Variants in SVEP1 observed in about 807,000 individuals in gnomAD.
SVEP1 encodes the protein sushi, von Willebrand factor type A, EGF and pentraxin domain-containing protein 1.
A neutral mutation model predicts 367.3 loss-of-function variants in SVEP1; 164 were observed. The ratio of observed to expected loss-of-function variants is 0.45; its 90% CI spans 0.39 to 0.51. The LOEUF (loss-of-function observed/expected upper bound fraction) is 0.51, where lower values mean the gene tolerates loss of function less well. Among genes scored for constraint, SVEP1 ranks in the 20% least tolerant of loss-of-function variants. The probability of loss-of-function intolerance (pLI) is 0.00; values close to 1 mark genes in which losing one functional copy is unlikely to be tolerated. For synonymous variants in SVEP1, 1,666 were observed against 1,611.6 expected, an observed-to-expected ratio of 1.03 and a Z score of -0.81; for missense variants, 4,117 against 4,425.3, an observed-to-expected ratio of 0.93 and a Z score of 1.98.
intron 39 of SVEP1, among the ~76,000 whole-genome samples, chr9:110,403,853 C>CTTTTT (rs11439177): frequency 6.9e-6 from 1 of 144,192 alleles, no homozygotes; most frequent in East Asian, 2.0e-4. Flanking sequence ...TAATAATACA[C>CTTTTT]TTTTTTTTTT....
intron 45 of SVEP1, among the ~76,000 whole-genome samples, chr9:110,376,140 C>A (rs925902008): frequency 5.3e-5 from 8 of 152,210 alleles, no homozygotes; most frequent in Non-Finnish European, 1.0e-4. Context: ...CTTTGCATCA[C>A]CTAGGAGTTG....
intron 47 of SVEP1, 81 bp downstream of exon 47, chr9:110,369,842 T>G (rs939618420): frequency 3.5e-6 from 4 of 1,138,738 alleles, no homozygotes; most frequent in Non-Finnish European, 5.0e-6. Flanking sequence ...TAGACAGAGA[T>G]AACTTCTGGC....
intron 22 of SVEP1, among the ~76,000 whole-genome samples, chr9:110,452,260 C>G (rs1828705320): frequency 6.6e-6 from 1 of 152,036 alleles, no homozygotes; most frequent in Admixed American, 6.6e-5. Context: ...AATTTAATGT[C>G]TAATAAATAA....
intron 43 of SVEP1, among the ~76,000 whole-genome samples, chr9:110,382,045 T>A (rs1024072971): frequency 2.0e-5 from 3 of 152,308 alleles, no homozygotes; most frequent in South Asian, 2.1e-4. Flanking sequence ...TGGCATTTTG[T>A]GTCTTTTAAG....
chr9:110,430,191 T>TACA (rs1828329779), intron 33 of SVEP1, 83 bp downstream of exon 33: 1 of 1,415,212 alleles, frequency 7.1e-7, no homozygotes, highest in South Asian at 1.4e-5. Context: ...AGAACATTGA[T>TACA]ACAACATAAC....
At chr9:110,369,244 A>ATCTT (rs1358790202) in intron 47 of SVEP1, among the ~76,000 whole-genome samples, 1 of 152,158 alleles carries the variant, frequency 6.6e-6, no homozygotes, top group Non-Finnish European at 1.5e-5. Flanking sequence ...GTTATAAATG[A>ATCTT]TCTTTTAAGT....
In SVEP1 at chr9:110,406,863, C is replaced by T; in HGVS notation, c.8737G>A (p.Val2913Ile). The T allele has an allele frequency of 6.2e-7, 1 of 1,613,984 alleles. No homozygotes were observed. Among genetic ancestry groups the T allele is most frequent in the Non-Finnish European group, 8.5e-7 (1 of 1,179,896 alleles). Residue 2913 changes from valine to isoleucine, a missense_variant, in exon 38 of 48, where the codon GTA becomes ATA. This residue lies in a region of SVEP1 where 1,765 missense variants were observed against 1,781.1 expected (regional missense o/e 0.99). Coordinates refer to ENST00000374469, the MANE Select transcript of SVEP1 (RefSeq NM_153366.4). ...EGLDYGFMKE[V>I]TFHCHEGYIL... is the part of the protein sequence containing the mutation. ...TAGCCCTCGTGACAGTGGAATGTTACTTCCTTCATGAAGCCATAGTCCAGG... is the reference window on the plus strand; with the variant it reads ...TAGCCCTCGTGACAGTGGAATGTTATTTCCTTCATGAAGCCATAGTCCAGG...
chr9:110,540,820 T>A (rs911391180), intron 3 of SVEP1, among the ~76,000 whole-genome samples: 1 of 152,196 alleles, frequency 6.6e-6, no homozygotes, highest in African/African-American at 2.4e-5. Context: ...TATTACAATA[T>A]TTTTGTGCAT....
At chr9:110,438,519 T>G (rs756358396) in intron 27 of SVEP1, among the ~76,000 whole-genome samples, 9 of 152,178 alleles carry the variant, frequency 5.9e-5, no homozygotes, top group Admixed American at 2.0e-4. Context: ...TATGCTATTT[T>G]AACACATGAA....
chr9:110,492,371 T>C (rs9969673), intron 8 of SVEP1, among the ~76,000 whole-genome samples: 4,330 of 152,202 alleles, frequency 0.028, 203 homozygotes, highest in African/African-American at 0.099. Flanking sequence ...ATTATATCAA[T>C]AAACTATAAG....
chr9:110,498,797 C>T (rs1347833140), intron 7 of SVEP1, among the ~76,000 whole-genome samples: 4 of 152,130 alleles, frequency 2.6e-5, no homozygotes, highest in African/African-American at 7.2e-5. Context: ...GAAAACTTAC[C>T]TGATTTTCAG....
chr9:110,512,359 G>A (rs958481392), intron 5 of SVEP1, among the ~76,000 whole-genome samples: 14 of 152,058 alleles, frequency 9.2e-5, no homozygotes, highest in African/African-American at 2.7e-4. Flanking sequence ...GGCAGATTGA[G>A]GCACTATTTT....
intron 16 of SVEP1, among the ~76,000 whole-genome samples, chr9:110,470,597 T>A (rs1179148726): frequency 6.6e-6 from 1 of 151,854 alleles, no homozygotes; most frequent in Non-Finnish European, 1.5e-5. Flanking sequence ...CATGCTTGGC[T>A]AATTTTTGGG....
chr9:110,474,624 C>A (rs1231894787), intron 14 of SVEP1, among the ~76,000 whole-genome samples: 3 of 152,106 alleles, frequency 2.0e-5, no homozygotes, highest in African/African-American at 4.8e-5. Flanking sequence ...CCTACCGCAA[C>A]AATCTGGGAG....
chr9:110,383,267 CTGT>C (rs1206331573), intron 43 of SVEP1, among the ~76,000 whole-genome samples: 3 of 147,244 alleles, frequency 2.0e-5, no homozygotes, highest in Non-Finnish European at 4.4e-5. Context: ...TTGTTGATGG[CTGT>C]TGTTGTTGTT....
intron 45 of SVEP1, 81 bp downstream of exon 45, chr9:110,377,190 C>G: frequency 7.6e-7 from 1 of 1,308,090 alleles, no homozygotes; most frequent in Non-Finnish European, 1.1e-6. Context: ...AACAGTACAA[C>G]CATTTCCTGG....
chr9:110,575,213 C>T (rs1324354793), intron 1 of SVEP1, among the ~76,000 whole-genome samples: 1 of 152,198 alleles, frequency 6.6e-6, no homozygotes, highest in African/African-American at 2.4e-5. Context: ...ACCTTGTAGG[C>T]AATTCCTCTG....
chr9:110,577,310 T>C (rs1190516060), intron 1 of SVEP1, among the ~76,000 whole-genome samples: 1 of 152,032 alleles, frequency 6.6e-6, no homozygotes, highest in African/African-American at 2.4e-5. Context: ...TGGGATGAAA[T>C]AGAAAGCCAG....
At chr9:110,462,474 TAC>T (rs145383252) in intron 18 of SVEP1, among the ~76,000 whole-genome samples, 1 of 151,348 alleles carries the variant, frequency 6.6e-6, no homozygotes, top group East Asian at 1.9e-4. Flanking sequence ...TAAACATATA[TAC>T]ACACACACGC....
Sources: allele counts gnomAD v4.1 joint callset (sites outside exome capture counted in the v4.1 genomes callset), GRCh38; gene constraint gnomAD v4.1.1; regional missense constraint gnomAD v4.1.1; transcripts MANE v1.5; gene names NCBI Gene and HGNC (gene_info 2026-07-23, HGNC 2026-07-21).